Variants in LRRC4C observed in about 807,000 individuals in gnomAD.
The protein encoded by LRRC4C is leucine rich repeat containing 4C.
LRRC4C carries 5 observed loss-of-function variants against 33.6 expected under a neutral mutation model. The ratio of observed to expected loss-of-function variants is 0.15; its 90% CI spans 0.08 to 0.31. LRRC4C has a LOEUF of 0.31. LRRC4C is among the 10% of genes least tolerant of loss of function. LRRC4C has a pLI of 1.00. For synonymous variants in LRRC4C, 329 were observed against 302.0 expected, an observed-to-expected ratio of 1.09 and a Z score of -0.93; for missense variants, 560 against 796.7, an observed-to-expected ratio of 0.70 and a Z score of 3.58.
chr11:40,588,456 T>A (rs1958869552), intron 3 of LRRC4C, among the ~76,000 whole-genome samples: 1 of 151,704 alleles, frequency 6.6e-6, no homozygotes, highest in Non-Finnish European at 1.5e-5. Flanking sequence ...TTTTGAAGGG[T>A]TTTTTGTGTC....
chr11:40,334,339 A>G (rs966525207), intron 3 of LRRC4C, among the ~76,000 whole-genome samples: 1 of 152,092 alleles, frequency 6.6e-6, no homozygotes, highest in Admixed American at 6.6e-5. Context: ...AAAAAAAAAA[A>G]GTAAGCCAAT....
intron 1 of LRRC4C, among the ~76,000 whole-genome samples, chr11:41,338,155 GA>G (rs973783389): frequency 3.9e-5 from 6 of 152,156 alleles, no homozygotes; most frequent in African/African-American, 1.4e-4. Flanking sequence ...GCTAGAACCA[GA>G]AATACAATTT....
intron 1 of LRRC4C, among the ~76,000 whole-genome samples, chr11:41,086,464 T>G (rs1359223631): frequency 1.3e-5 from 2 of 152,130 alleles, no homozygotes; most frequent in East Asian, 3.9e-4. Flanking sequence ...CTATAAAGGT[T>G]TTAGAACTTT....
intron 3 of LRRC4C, 47 bp downstream of exon 3, chr11:40,648,095 T>C (rs1256972801): frequency 6.6e-6 from 1 of 152,178 alleles, no homozygotes; most frequent in Non-Finnish European, 1.5e-5. Flanking sequence ...CCATAGTCAA[T>C]GAATCTTTGA....
At chr11:41,226,741 T>TACACACACACACACACACACACACAC (rs59285418) in intron 1 of LRRC4C, among the ~76,000 whole-genome samples, 2 of 137,082 alleles carry the variant, frequency 1.5e-5, no homozygotes, top group African/African-American at 5.6e-5. Context: ...TCCTTACCAT[T>TACACACACACACACACACACACACAC]ACACACACAC....
chr11:40,673,053 G>A (rs958086696), intron 2 of LRRC4C, among the ~76,000 whole-genome samples: 1 of 151,672 alleles, frequency 6.6e-6, no homozygotes, highest in African/African-American at 2.4e-5. Flanking sequence ...AAACAGTTAA[G>A]TAGCAAGAAA....
At chr11:40,160,990 T>C (rs1244791460) in intron 5 of LRRC4C, among the ~76,000 whole-genome samples, 2 of 152,214 alleles carry the variant, frequency 1.3e-5, no homozygotes, top group Admixed American at 6.5e-5. Flanking sequence ...GGAATCTTAA[T>C]ATCAGTTAAA....
At chr11:40,623,281 T>A (rs369547655) in intron 3 of LRRC4C, among the ~76,000 whole-genome samples, 1 of 151,910 alleles carries the variant, frequency 6.6e-6, no homozygotes. Context: ...TTTAAAAAAA[T>A]TACTGAAATT....
chr11:40,664,148 G>T (rs563994999), intron 2 of LRRC4C, among the ~76,000 whole-genome samples: 1 of 152,280 alleles, frequency 6.6e-6, no homozygotes, highest in Admixed American at 6.5e-5. Flanking sequence ...GAATGTCAAT[G>T]AGTAGTGTAT....
chr11:40,821,266 C>T (rs2135465715), intron 2 of LRRC4C, among the ~76,000 whole-genome samples: 1 of 151,694 alleles, frequency 6.6e-6, no homozygotes, highest in East Asian at 1.9e-4. Context: ...AATTCCCATG[C>T]ACTATTTTTT....
chr11:40,671,405 G>A (rs1944100502), intron 2 of LRRC4C, among the ~76,000 whole-genome samples: 2 of 152,268 alleles, frequency 1.3e-5, no homozygotes, highest in South Asian at 4.1e-4. Flanking sequence ...TTTAGCCACA[G>A]AAATAGGAAT....
intron 3 of LRRC4C, among the ~76,000 whole-genome samples, chr11:40,462,140 T>G (rs1952429069): frequency 1.3e-5 from 2 of 152,060 alleles, no homozygotes; most frequent in Non-Finnish European, 2.9e-5. Flanking sequence ...TGAAGTTTAT[T>G]GATGATATAA....
At chr11:41,225,816 A>G (rs773645799) in intron 1 of LRRC4C, among the ~76,000 whole-genome samples, 34 of 152,104 alleles carry the variant, frequency 2.2e-4, no homozygotes, top group Non-Finnish European at 4.7e-4. Context: ...AGCCGGTTTG[A>G]CACCACTATT....
intron 2 of LRRC4C, among the ~76,000 whole-genome samples, chr11:40,718,817 A>G (rs1288185323): frequency 2.0e-5 from 3 of 152,136 alleles, no homozygotes; most frequent in East Asian, 1.9e-4. Flanking sequence ...TCCTATCTGG[A>G]TAAGGAAACT....
intron 1 of LRRC4C, among the ~76,000 whole-genome samples, chr11:41,325,120 T>C (rs1468121110): frequency 1.3e-5 from 2 of 152,182 alleles, no homozygotes; most frequent in Admixed American, 6.5e-5. Context: ...GGTGTTAAAT[T>C]CCTCAAAAGA....
At chr11:41,316,262 C>CAAAAGAAAAAAAAAAA (rs1950783627) in intron 1 of LRRC4C, among the ~76,000 whole-genome samples, 1 of 78,014 alleles carries the variant, frequency 1.3e-5, no homozygotes, top group Non-Finnish European at 2.3e-5. Context: ...CTCTGGATGG[C>CAAAAGAAAAAAAAAAA]AAAAAAAAAA....
chr11:40,853,194 T>C (rs1434176165), intron 2 of LRRC4C, among the ~76,000 whole-genome samples: 1 of 152,126 alleles, frequency 6.6e-6, no homozygotes, highest in Non-Finnish European at 1.5e-5. Context: ...ACACATTCTG[T>C]ACAGTATATG....
chr11:40,343,625 T>A (rs1175044013), intron 3 of LRRC4C, among the ~76,000 whole-genome samples: 2 of 150,978 alleles, frequency 1.3e-5, no homozygotes, highest in Admixed American at 1.3e-4. Flanking sequence ...ACCATTGTTT[T>A]TAATATGGAG....
intron 3 of LRRC4C, among the ~76,000 whole-genome samples, chr11:40,455,053 G>A (rs1394369625): frequency 1.3e-5 from 2 of 152,106 alleles, no homozygotes; most frequent in African/African-American, 2.4e-5. Context: ...TGTCATGTAT[G>A]TCACAACAAT....
Sources: allele counts gnomAD v4.1 joint callset (sites outside exome capture counted in the v4.1 genomes callset), GRCh38; gene constraint gnomAD v4.1.1; transcripts MANE v1.5; gene names NCBI Gene and HGNC (gene_info 2026-07-23, HGNC 2026-07-21).